LHFPL3: variants seen among roughly 807,000 people sequenced by gnomAD.
LHFPL3 encodes the protein LHFPL tetraspan subfamily member 3 protein.
In LHFPL3, 5 loss-of-function variants were observed where a neutral mutation model predicts 19.3. That is an observed-to-expected ratio of 0.26 (90% CI 0.14 to 0.54). LHFPL3 has a LOEUF of 0.54. Ranked by LOEUF, LHFPL3 falls within the 20% of genes least tolerant of loss-of-function variation. The pLI, the probability that LHFPL3 is intolerant of heterozygous loss-of-function variation, is 0.94. For missense variants in LHFPL3, 249 were observed against 307.4 expected (o/e 0.81, Z 1.42); for synonymous variants, 133 against 126.2 (o/e 1.05, Z -0.36).
At chr7:104,614,643 CTTCTCTTCTCTCCTTCCT>C (rs1791281965) in intron 1 of LHFPL3, among the ~76,000 whole-genome samples, 1 of 135,318 alleles carries the variant, frequency 7.4e-6, no homozygotes, top group African/African-American at 2.9e-5. Context: ...CTTCTCTTCT[CTTCTCTTCTCTCCTTCCT>C]TCCTTCCTTC....
intron 1 of LHFPL3, among the ~76,000 whole-genome samples, chr7:104,382,489 C>G (rs1790847140): frequency 6.6e-6 from 1 of 152,176 alleles, no homozygotes; most frequent in South Asian, 2.1e-4. Flanking sequence ...TGGTTACCCT[C>G]AAGCTTGGCT....
rs145339108 is a variant in LHFPL3 at position 104,726,991 on chromosome 7, T to G, written c.446-9684T>G. 4.6e-3 allele frequency among the ~76,000 whole-genome samples: 704 copies of G among 152,292 alleles called. 3 individuals are homozygous for G. The highest frequency in any genetic ancestry group is 0.016 in the African/African-American group (654 of 41,568). The stretch of plus-strand genomic sequence containing the variant: ...CTATTTCTCCACAGCCTCGCCAGCA[T>G]CTGTTGCTTCTTGGGTTTTTGATAA... On this transcript the variant is annotated intron_variant, in intron 1 of 2. Coordinates refer to ENST00000424859, the MANE Select transcript of LHFPL3 (RefSeq NM_199000.3).
chr7:104,606,044 G>T (rs1454754916), intron 1 of LHFPL3, among the ~76,000 whole-genome samples: 1 of 151,862 alleles, frequency 6.6e-6, no homozygotes, highest in Non-Finnish European at 1.5e-5. Context: ...TTTTATTTTT[G>T]GAAACAGGGT....
At chr7:104,887,918 T>G (rs1374650307) in intron 2 of LHFPL3, among the ~76,000 whole-genome samples, 1 of 151,968 alleles carries the variant, frequency 6.6e-6, no homozygotes, top group Admixed American at 6.6e-5. Context: ...TGTTTGGGGG[T>G]TTTATTTGTG....
intron 1 of LHFPL3, among the ~76,000 whole-genome samples, chr7:104,504,107 A>G (rs1476812102): frequency 6.6e-6 from 1 of 151,922 alleles, no homozygotes; most frequent in Non-Finnish European, 1.5e-5. Context: ...TCGTGAATCT[A>G]TTTTCTATTC....
intron 2 of LHFPL3, among the ~76,000 whole-genome samples, chr7:104,807,180 C>G (rs923071800): frequency 1.3e-5 from 2 of 152,010 alleles, no homozygotes; most frequent in African/African-American, 4.8e-5. Flanking sequence ...GGTGTCCTAA[C>G]AGTCTAGGGG....
chr7:104,879,482 G>A (rs565309362), intron 2 of LHFPL3, among the ~76,000 whole-genome samples: 5 of 152,258 alleles, frequency 3.3e-5, no homozygotes, highest in African/African-American at 1.2e-4. Context: ...TGCTTTGAGA[G>A]TCTAAGGCAG....
At chr7:104,639,087 T>C (rs1791783370) in intron 1 of LHFPL3, among the ~76,000 whole-genome samples, 1 of 151,968 alleles carries the variant, frequency 6.6e-6, no homozygotes, top group Non-Finnish European at 1.5e-5. Context: ...TGCTGCTGGA[T>C]TTGGTTTGCA....
At chr7:104,713,592 AC>A (rs1363312470) in intron 1 of LHFPL3, among the ~76,000 whole-genome samples, 1 of 151,998 alleles carries the variant, frequency 6.6e-6, no homozygotes, top group East Asian at 1.9e-4. Flanking sequence ...CTCCCACCAG[AC>A]CCCTCCCGCA....
intron 1 of LHFPL3, among the ~76,000 whole-genome samples, chr7:104,443,300 G>C (rs975801580): frequency 6.6e-6 from 1 of 152,170 alleles, no homozygotes; most frequent in African/African-American, 2.4e-5. Flanking sequence ...ACCCACACTG[G>C]ATGGCACATT....
intron 1 of LHFPL3, among the ~76,000 whole-genome samples, chr7:104,533,783 G>A (rs1056265569): frequency 1.3e-5 from 2 of 152,148 alleles, no homozygotes; most frequent in African/African-American, 4.8e-5. Context: ...CTAGTTTCGT[G>A]ATCTTTGGTC....
intron 2 of LHFPL3, chr7:104,799,968 T>C (rs1319333123): frequency 6.5e-6 from 1 of 152,722 alleles, no homozygotes; most frequent in Non-Finnish European, 1.5e-5. Flanking sequence ...CCCAAGCCTA[T>C]TGGGAGCAGG....
At chr7:104,903,226 A>T (rs1268747563) in intron 2 of LHFPL3, among the ~76,000 whole-genome samples, 2 of 152,056 alleles carry the variant, frequency 1.3e-5, no homozygotes, top group Non-Finnish European at 2.9e-5. Flanking sequence ...TCATCCTGTG[A>T]TGTCATAAAG....
chr7:104,806,043 C>T (rs1790355756), intron 2 of LHFPL3, among the ~76,000 whole-genome samples: 1 of 152,154 alleles, frequency 6.6e-6, no homozygotes, highest in African/African-American at 2.4e-5. Context: ...CTGCTGCAGG[C>T]CGTGTTTTAG....
chr7:104,521,288 T>C (rs1794054782), intron 1 of LHFPL3, among the ~76,000 whole-genome samples: 1 of 152,196 alleles, frequency 6.6e-6, no homozygotes, highest in African/African-American at 2.4e-5. Flanking sequence ...TGAGTTCTAG[T>C]TTGATTGCAC....
intron 1 of LHFPL3, among the ~76,000 whole-genome samples, chr7:104,386,017 G>A (rs551812747): frequency 6.6e-5 from 10 of 152,004 alleles, no homozygotes; most frequent in East Asian, 3.9e-4. Flanking sequence ...TGTAAGAAGC[G>A]TTTATTCAAG....
At chr7:104,683,947 T>C (rs1792759681) in intron 1 of LHFPL3, among the ~76,000 whole-genome samples, 1 of 152,238 alleles carries the variant, frequency 6.6e-6, no homozygotes, top group African/African-American at 2.4e-5. Context: ...CTCACGATAT[T>C]TGTGAAAAGG....
chr7:104,576,987 ATTC>A (rs1029938465), intron 1 of LHFPL3, among the ~76,000 whole-genome samples: 1 of 152,074 alleles, frequency 6.6e-6, no homozygotes, highest in Non-Finnish European at 1.5e-5. Flanking sequence ...CTCTATCTCC[ATTC>A]TTCTTTTAAA....
intron 1 of LHFPL3, among the ~76,000 whole-genome samples, chr7:104,617,667 A>G (rs1297198476): frequency 6.6e-6 from 1 of 152,232 alleles, no homozygotes; most frequent in Non-Finnish European, 1.5e-5. Context: ...TTAGATGCAT[A>G]CTTTCCCTTT....
Sources: gnomAD v4.1 joint callset for allele counts (sites outside exome capture counted in the v4.1 genomes callset) on GRCh38, gnomAD v4.1.1 for gene constraint, MANE v1.5 for transcripts, NCBI Gene and HGNC (gene_info 2026-07-23, HGNC 2026-07-21) for gene names.